The following SLC5A12 variants were observed in gnomAD, a reference collection of about 807,000 sequenced individuals.
The protein encoded by SLC5A12 is solute carrier family 5 member 12.
Under a neutral mutation model 72.7 loss-of-function variants are expected in SLC5A12, and 46 were observed. The observed-to-expected ratio is 0.63, with a 90% CI of 0.50 to 0.81. SLC5A12 has a LOEUF of 0.81. Among genes scored for constraint, SLC5A12 ranks in the 30% least tolerant of loss-of-function variants. The probability of loss-of-function intolerance (pLI) is 0.00; values close to 1 mark genes in which losing one functional copy is unlikely to be tolerated. For missense variants in SLC5A12, 683 were observed against 740.7 expected (o/e 0.92, Z 0.90); for synonymous variants, 275 against 264.4 (o/e 1.04, Z -0.39).
intron 6 of SLC5A12, 84 bp downstream of exon 6, chr11:26,703,447 C>CA (rs1554994288): frequency 0.14 from 110,477 of 809,360 alleles, 5,593 homozygotes; most frequent in Middle Eastern, 0.15. Flanking sequence ...CACACACACA[C>CA]CCCCCAAGAG....
intron 13 of SLC5A12, among the ~76,000 whole-genome samples, chr11:26,676,371 A>C (rs1314975402): frequency 6.8e-6 from 1 of 146,378 alleles, no homozygotes; most frequent in East Asian, 1.9e-4. Context: ...AAAAAAAAAA[A>C]AAAAAAAGAA....
intron 10 of SLC5A12, among the ~76,000 whole-genome samples, chr11:26,684,605 A>T (rs1854486831): frequency 6.6e-6 from 1 of 152,014 alleles, no homozygotes; most frequent in Admixed American, 6.6e-5. Context: ...CATCTTAATC[A>T]ATCAAGAAGG....
intron 1 of SLC5A12, among the ~76,000 whole-genome samples, chr11:26,717,311 A>G (rs960189686): frequency 1.3e-5 from 2 of 152,190 alleles, no homozygotes; most frequent in East Asian, 3.9e-4. Context: ...CAAGAAGTCC[A>G]AGAAATATGA....
At chr11:26,684,715 A>T (rs953073499) in intron 10 of SLC5A12, among the ~76,000 whole-genome samples, 12 of 152,160 alleles carry the variant, frequency 7.9e-5, no homozygotes, top group African/African-American at 2.9e-4. Context: ...TCTTTGGAGG[A>T]GTCCTTGCCT....
At chr11:26,713,356 C>T (rs1409568014) in intron 1 of SLC5A12, among the ~76,000 whole-genome samples, 3 of 152,102 alleles carry the variant, frequency 2.0e-5, no homozygotes, top group African/African-American at 4.8e-5. Flanking sequence ...TCAGCTAACA[C>T]ATTTTGTGCT....
At chr11:26,709,229 A>G in intron 4 of SLC5A12, 83 bp downstream of exon 4, 1 of 987,082 alleles carries the variant, frequency 1.0e-6, no homozygotes, top group Non-Finnish European at 1.5e-6. Flanking sequence ...ATTCTGCTAT[A>G]ATTAGATGCC....
intron 4 of SLC5A12, among the ~76,000 whole-genome samples, chr11:26,708,094 C>T (rs1855132422): frequency 6.6e-6 from 1 of 152,052 alleles, no homozygotes; most frequent in African/African-American, 2.4e-5. Flanking sequence ...CACAACACTC[C>T]TTCCAAATAT....
At chr11:26,718,390 G>T (rs1044732658) in intron 1 of SLC5A12, among the ~76,000 whole-genome samples, 2 of 152,158 alleles carry the variant, frequency 1.3e-5, no homozygotes, top group Non-Finnish European at 2.9e-5. Flanking sequence ...TTACGCCAAG[G>T]TCATGCAGCT....
chr11:26,697,341 GTCT>G (rs1184382748), intron 7 of SLC5A12, 89 bp from the exon 8 acceptor site: 3 of 1,138,318 alleles, frequency 2.6e-6, no homozygotes, highest in African/African-American at 3.2e-5. Context: ...AGGATTAGTG[GTCT>G]TCTCATCAGT....
At chr11:26,672,248 GT>G (rs1854160680) in intron 14 of SLC5A12, among the ~76,000 whole-genome samples, 1 of 151,892 alleles carries the variant, frequency 6.6e-6, no homozygotes, top group African/African-American at 2.4e-5. Context: ...CTATTCTGCT[GT>G]TTTCTGGAGA....
Position 26,684,694 on chromosome 11 carries a change from T to A in SLC5A12, c.1222-851A>T, listed in dbSNP as rs919474074. 1.4e-4 allele frequency among the ~76,000 whole-genome samples: 21 copies of A among 152,100 alleles called. 1 individual carries two copies. On this transcript the variant is annotated intron_variant, in intron 10 of 14. Transcript: ENST00000396005. ...GACTTCCTCCTCACTACAAGAATTG[T>A]TTTCCACCAGTCTTTGGAGGAGTCC...
chr11:26,712,107 G>A (rs2133213018), intron 2 of SLC5A12, among the ~76,000 whole-genome samples: 1 of 152,164 alleles, frequency 6.6e-6, no homozygotes, highest in South Asian at 2.1e-4. Flanking sequence ...TGAGTAGTAG[G>A]AAGTCTATCA....
Position 26,713,630 on chromosome 11 carries a change from A to G in SLC5A12, c.340-924T>C, listed in dbSNP as rs138881143. Among the ~76,000 whole-genome samples the G allele has an allele frequency of 2.6e-5, 4 of 152,242 alleles. No homozygotes were observed. The East Asian group carries it at 7.7e-4, about 29-fold the overall frequency. ...TCTGAGCTCATATGGCACTAATATT[A>G]AGACTTTTTCATGGTTATCAGTTGC... On this transcript the variant is annotated intron_variant, in intron 1 of 14. Transcript: ENST00000396005.
intron 3 of SLC5A12, among the ~76,000 whole-genome samples, chr11:26,710,138 ATAGT>A (rs954602220): frequency 5.7e-4 from 87 of 151,902 alleles, no homozygotes; most frequent in African/African-American, 2.1e-3. Flanking sequence ...TTTCCTTGTG[ATAGT>A]TTGCTGAGAA....
At chr11:26,712,469 A>G (rs184281712) in intron 2 of SLC5A12, among the ~76,000 whole-genome samples, 172 bp downstream of exon 2, 405 of 152,160 alleles carry the variant, frequency 2.7e-3, no homozygotes, top group African/African-American at 9.4e-3. Flanking sequence ...TGTGGCTTGC[A>G]ATATACATTT....
At chr11:26,684,647 G>A (rs557161176) in intron 10 of SLC5A12, among the ~76,000 whole-genome samples, 5 of 152,242 alleles carry the variant, frequency 3.3e-5, no homozygotes, top group African/African-American at 1.2e-4. Flanking sequence ...AACTAAGGCA[G>A]GCAGATGAGG....
chr11:26,707,529 T>C (rs193183526), intron 4 of SLC5A12, among the ~76,000 whole-genome samples: 56 of 152,014 alleles, frequency 3.7e-4, no homozygotes, highest in Non-Finnish European at 6.2e-4. Context: ...TGTTATTCTT[T>C]AGGTTATTTC....
rs768038852 is a variant in SLC5A12, at chr11:26,669,457, A to G, written c.*1645T>C. Reference sequence around the variant, plus strand: ...ATTCTGCTCCTTCTCATTTTCAGATATTTCTCCAAATGTGACCCCTTTTGA... The same window carrying G: ...ATTCTGCTCCTTCTCATTTTCAGATGTTTCTCCAAATGTGACCCCTTTTGA... On this transcript the variant is annotated 3_prime_UTR_variant, in exon 15 of 15. Transcript: ENST00000396005. The G allele has an allele frequency of 1.3e-5, 2 of 151,796 alleles. No individual in the cohort carries two copies. The highest frequency in any genetic ancestry group is 2.9e-5 in the Non-Finnish European group (2 of 67,902). The allele number at this position is 151,796 out of a possible 1,614,324, so 9.4% of individuals were successfully genotyped here. A position where few individuals can be genotyped will look rare whatever the true frequency, so the allele number is the denominator to read the frequency against.
intron 8 of SLC5A12, among the ~76,000 whole-genome samples, chr11:26,696,834 TG>T (rs1177174050): frequency 6.6e-6 from 1 of 152,048 alleles, no homozygotes; most frequent in Non-Finnish European, 1.5e-5. Context: ...TACAAAAGTG[TG>T]GGGGCAATTA....
Sources: gnomAD v4.1 joint callset for allele counts (sites outside exome capture counted in the v4.1 genomes callset) on GRCh38, gnomAD v4.1.1 for gene constraint, MANE v1.5 for transcripts, NCBI Gene and HGNC (gene_info 2026-07-23, HGNC 2026-07-21) for gene names.